Variants in SAMD5 observed in about 807,000 individuals in gnomAD.
The protein encoded by SAMD5 is sterile alpha motif domain containing 5.
A neutral mutation model predicts 11.3 loss-of-function variants in SAMD5; 13 were observed. The observed-to-expected ratio is 1.15, with a 90% CI of 0.75 to 1.83. The LOEUF (loss-of-function observed/expected upper bound fraction) is 1.83, where lower values mean the gene tolerates loss of function less well. Ranked by LOEUF, SAMD5 falls within the 40% of genes most tolerant of loss-of-function variation. SAMD5 has a pLI of 0.00. For missense variants in SAMD5, 255 were observed against 239.1 expected (o/e 1.07, Z -0.44); for synonymous variants, 129 against 111.3 (o/e 1.16, Z -1.00).
At chr6:147,775,701 G>A in the SAMD5 span, among the ~76,000 whole-genome samples, 4 of 152,296 alleles carry the variant, frequency 2.6e-5, no homozygotes, top group East Asian at 1.9e-4. Context: ...GACTGTGGTA[G>A]AAGGATCATT....
At chr6:147,869,514 C>T in the SAMD5 span, among the ~76,000 whole-genome samples, 2 of 152,152 alleles carry the variant, frequency 1.3e-5, no homozygotes, top group Non-Finnish European at 2.9e-5. Context: ...AGTGAGTGGA[C>T]AGGGCTTTGT....
intron 1 of SAMD5, among the ~76,000 whole-genome samples, chr6:147,588,632 G>A (rs1409395320): frequency 1.3e-5 from 2 of 151,696 alleles, no homozygotes; most frequent in East Asian, 1.9e-4. Context: ...AGCCTGTCCA[G>A]TTTCAATGAA....
intron 1 of SAMD5, among the ~76,000 whole-genome samples, chr6:147,688,053 A>G (rs1791044038): frequency 6.6e-6 from 1 of 151,984 alleles, no homozygotes; most frequent in Admixed American, 6.6e-5. Flanking sequence ...GATTACATAT[A>G]TGTCAGAACT....
intron 1 of SAMD5, among the ~76,000 whole-genome samples, chr6:147,690,987 T>TTG (rs1791093328): frequency 2.5e-5 from 1 of 39,326 alleles, no homozygotes; most frequent in African/African-American, 1.0e-4. Flanking sequence ...TTTTTTTTGG[T>TTG]GGGGATCGGG....
chr6:147,641,498 A>G (rs1006632286), intron 1 of SAMD5, among the ~76,000 whole-genome samples: 2 of 152,132 alleles, frequency 1.3e-5, no homozygotes, highest in South Asian at 2.1e-4. Context: ...GACATTTTGC[A>G]TGTCAGGACA....
At chr6:147,849,651 T>C in the SAMD5 span, among the ~76,000 whole-genome samples, 2 of 152,212 alleles carry the variant, frequency 1.3e-5, no homozygotes, top group African/African-American at 2.4e-5. Context: ...TCCAAATTAG[T>C]TCAAGGCAAG....
the SAMD5 span, among the ~76,000 whole-genome samples, chr6:147,801,233 A>G: frequency 5.3e-5 from 8 of 152,176 alleles, no homozygotes; most frequent in African/African-American, 1.9e-4. Context: ...GTTTTACTTT[A>G]TGGAATCCTA....
At chr6:147,948,040 G>C in the SAMD5 span, among the ~76,000 whole-genome samples, 5 of 151,794 alleles carry the variant, frequency 3.3e-5, no homozygotes, top group African/African-American at 1.2e-4. Flanking sequence ...TGTTCCATTG[G>C]TACTCAGCAC....
intron 1 of SAMD5, among the ~76,000 whole-genome samples, chr6:147,551,211 A>G (rs1299586401): frequency 1.3e-5 from 2 of 152,200 alleles, no homozygotes; most frequent in Non-Finnish European, 2.9e-5. Flanking sequence ...CATAGTGTCT[A>G]GGCTCTGTTC....
the SAMD5 span, among the ~76,000 whole-genome samples, chr6:147,781,246 C>G: frequency 6.6e-6 from 1 of 151,088 alleles, no homozygotes. Context: ...GTCTCCACCT[C>G]TCAGACTCAA....
chr6:147,870,566 T>C, the SAMD5 span, among the ~76,000 whole-genome samples: 2 of 151,572 alleles, frequency 1.3e-5, no homozygotes, highest in Admixed American at 1.3e-4. Context: ...TTAAGCATCT[T>C]GGGGACAGGG....
chr6:147,944,875 C>T, the SAMD5 span, among the ~76,000 whole-genome samples: 14 of 152,216 alleles, frequency 9.2e-5, no homozygotes, highest in Non-Finnish European at 1.9e-4. Context: ...TGACAGCCAG[C>T]AGGCCTTGGC....
chr6:147,772,465 G>A, the SAMD5 span, among the ~76,000 whole-genome samples: 1 of 152,124 alleles, frequency 6.6e-6, no homozygotes, highest in Non-Finnish European at 1.5e-5. Context: ...GTATCAGTTT[G>A]TTCAGGCTGT....
intron 1 of SAMD5, among the ~76,000 whole-genome samples, chr6:147,633,693 CTTTTT>C: frequency 7.2e-6 from 1 of 139,438 alleles, no homozygotes; most frequent in African/African-American, 2.6e-5. Flanking sequence ...TCAGATAATG[CTTTTT>C]TTTTTTTTTT....
chr6:147,585,980 T>C (rs1430687571), intron 1 of SAMD5, among the ~76,000 whole-genome samples: 1 of 152,138 alleles, frequency 6.6e-6, no homozygotes, highest in Non-Finnish European at 1.5e-5. Flanking sequence ...CAGAGCAACA[T>C]GGTCATGACA....
At chr6:147,705,452 T>C (rs144514066) in intron 1 of SAMD5, among the ~76,000 whole-genome samples, 1 of 152,360 alleles carries the variant, frequency 6.6e-6, no homozygotes. Context: ...TAAATATTCA[T>C]TTTATGCTAT....
chr6:147,836,431 A>G, the SAMD5 span, among the ~76,000 whole-genome samples: 1 of 152,202 alleles, frequency 6.6e-6, no homozygotes, highest in East Asian at 1.9e-4. Context: ...TAGGTTGAAA[A>G]TGCACTTAAT....
At chr6:147,827,850 C>T in the SAMD5 span, among the ~76,000 whole-genome samples, 90 of 151,700 alleles carry the variant, frequency 5.9e-4, 1 homozygote, top group African/African-American at 1.8e-3. Flanking sequence ...AGTGCAGTGG[C>T]GCGATCTCGG....
intron 1 of SAMD5, among the ~76,000 whole-genome samples, chr6:147,603,257 A>G (rs542004921): frequency 6.6e-6 from 1 of 152,286 alleles, no homozygotes; most frequent in Non-Finnish European, 1.5e-5. Flanking sequence ...TTGGCAACAC[A>G]ATTTCAGGCC....
Sources: allele counts gnomAD v4.1 joint callset (sites outside exome capture counted in the v4.1 genomes callset), GRCh38; gene constraint gnomAD v4.1.1; transcripts MANE v1.5; gene names NCBI Gene and HGNC (gene_info 2026-07-23, HGNC 2026-07-21).